The following TFIP11 variants were observed in gnomAD, a reference collection of about 807,000 sequenced individuals.
TFIP11 encodes the protein tuftelin interacting protein 11, also known as tuftelin-interacting protein 11.
A neutral mutation model predicts 96.8 loss-of-function variants in TFIP11; 86 were observed. The observed-to-expected ratio is 0.89, with a 90% confidence interval of 0.75 to 1.06. The LOEUF is 1.06. Ranked by LOEUF, TFIP11 falls within the 50% of genes least tolerant of loss-of-function variation. The pLI is 0.00. For synonymous variants in TFIP11, 405 were observed against 395.2 expected (o/e 1.02, Z -0.29); for missense variants, 881 against 1,076.7 (o/e 0.82, Z 2.54).
At position 26,503,758 on chromosome 22, in the gene TFIP11, C is replaced by A; in HGVS notation, c.556G>T (p.Gly186Ter). 3 of 1,613,870 alleles carry A rather than the reference C, an allele frequency of 1.9e-6. No homozygotes were observed. Among genetic ancestry groups the A allele is most frequent in the Non-Finnish European group, 1.7e-6 (2 of 1,179,992 alleles). ...CCATAAGCCCCCACAGCACCTTTTC[C>A]CTTTCTCTGCTTGGCTTCAATTGGG... The part of the protein sequence containing the change: ...INPIEAKQRK[G>*]KGAVGAYGSE... The change falls in exon 7 of 15, where the codon GGA becomes TGA. Residue 186 changes from glycine to a stop codon, truncating the protein, a stop_gained. Transcript: ENST00000407690. LOFTEE classifies it high-confidence loss of function.
chr22:26,498,541 C>CAAAAAAAAAAA (rs10716815), intron 10 of TFIP11, among the ~76,000 whole-genome samples: 1 of 83,604 alleles, frequency 1.2e-5, no homozygotes, highest in African/African-American at 4.7e-5. Flanking sequence ...GACTCCATCT[C>CAAAAAAAAAAA]AAAAAAAAAA....
intron 6 of TFIP11, 102 bp downstream of exon 6, chr22:26,506,201 T>C: frequency 7.6e-7 from 1 of 1,314,798 alleles, no homozygotes; most frequent in Non-Finnish European, 1.0e-6. Context: ...GCTGGAGAGA[T>C]AAAGTGCTTT....
At position 26,492,289 on chromosome 22, in the gene TFIP11, C is replaced by A; in HGVS notation, c.2238G>T (p.Glu746Asp). 1.2e-6 allele frequency: 2 copies of A among 1,614,224 alleles called. No individual in the cohort carries two copies. The highest frequency in any genetic ancestry group is 1.1e-5 in the South Asian group (1 of 91,084). The change falls in exon 15 of 15, where the codon GAG (glutamate) becomes GAT (aspartate). Residue 746 changes from glutamate to aspartate, a missense_variant. By Grantham distance (45) the Glu-to-Asp change is conservative (BLOSUM62 2). Coordinates refer to ENST00000407690, the MANE Select transcript of TFIP11 (RefSeq NM_012143.4). ...CAGCCTCCCGCCTCTCCTGCATGGC[C>A]TCGTACTGGAAGTCCTTCCTCCGCT... ...HTERRKDFQY[E>D]AMQERREAEN...
chr22:26,495,636 ATGTG>A (rs1921901603), intron 12 of TFIP11, among the ~76,000 whole-genome samples: 1 of 110,326 alleles, frequency 9.1e-6, no homozygotes, highest in Non-Finnish European at 2.0e-5. Flanking sequence ...GTGTATATAC[ATGTG>A]TATATATACA....
At position 26,495,054 on chromosome 22, in the gene TFIP11, C is replaced by T. The variant is rs573731151; in HGVS notation, c.1850-115G>A. On this transcript the variant is annotated intron_variant, in intron 12 of 14. Coordinates refer to ENST00000407690, the MANE Select transcript of TFIP11 (RefSeq NM_012143.4). Reference sequence around the variant, plus strand: ...TCAGCTTACAGCAACCTCCGCCTCCCGGGTTCAAGTGACTCTTGTGCCTCA... The same window carrying T: ...TCAGCTTACAGCAACCTCCGCCTCCTGGGTTCAAGTGACTCTTGTGCCTCA... 3.6e-4 allele frequency: 502 copies of T among 1,403,162 alleles called. 1 individual carries two copies. In the African/African-American group the frequency reaches 4.6e-3, roughly 13 times the overall value. 86.9% of individuals were successfully genotyped at this position (1,403,162 alleles called of 1,614,324 possible). A position where few individuals can be genotyped will look rare whatever the true frequency, so the allele number is the denominator to read the frequency against.
intron 10 of TFIP11, among the ~76,000 whole-genome samples, chr22:26,497,934 G>A (rs555995322): frequency 9.4e-5 from 14 of 148,688 alleles, no homozygotes; most frequent in Non-Finnish European, 1.8e-4. Context: ...CAAATTTACA[G>A]CAGCACAATT....
At chr22:26,505,587 C>T (rs1923298817) in intron 6 of TFIP11, among the ~76,000 whole-genome samples, 1 of 152,150 alleles carries the variant, frequency 6.6e-6, no homozygotes. Context: ...GTCCCAGGAG[C>T]AGTTCTCACT....
In TFIP11 at chr22:26,506,319, G is replaced by C; in HGVS notation, c.504C>G (p.Leu168=). Residue 168 remains leucine (L), a synonymous_variant, in exon 6 of 15, where the codon CTC becomes CTG. Coordinates refer to ENST00000407690, the MANE Select transcript of TFIP11 (RefSeq NM_012143.4). ...GTGCAATACCTTGTGCATTCTTCCC[G>C]AGGCCCCGTCCAGGGACGTAGCCCA... is the stretch of plus-strand genomic sequence containing the variant. ...QKMGYVPGRG[L]GKNAQGIINP... 1 of 1,607,468 alleles carries C rather than the reference G, an allele frequency of 6.2e-7. No homozygotes were observed. Among genetic ancestry groups the C allele is most frequent in the African/African-American group, 1.3e-5 (1 of 74,504 alleles).
At chr22:26,510,514 GTACATATCTCCTTGTCC>G (rs1923924041) in intron 3 of TFIP11, 86 bp downstream of exon 3, 1 of 519,716 alleles carries the variant, frequency 1.9e-6, no homozygotes, top group South Asian at 2.3e-5. Flanking sequence ...TTCTTTAAAA[GTACATATCTCCTTGTCC>G]TAGTCAATAT....
chr22:26,497,746 A>C (rs1922237723), intron 10 of TFIP11, among the ~76,000 whole-genome samples: 1 of 151,852 alleles, frequency 6.6e-6, no homozygotes, highest in Admixed American at 6.6e-5. Flanking sequence ...CATGGTGGCG[A>C]GCGCCTGTAG....
At position 26,492,242 on chromosome 22, in the gene TFIP11, A is replaced by G. The variant is rs1921295775; in HGVS notation, c.2285T>C (p.Ile762Thr). The change falls in exon 15 of 15, where the codon ATT (isoleucine) becomes ACT (threonine). Residue 762 changes from isoleucine (I) to threonine (T), a missense_variant. Ile to Thr is a moderately conservative substitution (Grantham distance 89, BLOSUM62 -1). Transcript: ENST00000407690. The part of the protein sequence containing the change: ...REAENMAQRG[I>T]GVAASSVPMN... ...GGGCACAGAGCTAGCGGCCACGCCA[A>G]TGCCCCTCTGAGCCATGTTCTCAGC... 2.5e-6 allele frequency: 4 copies of G among 1,614,176 alleles called. No homozygotes were observed. The highest frequency in any genetic ancestry group is 3.4e-6 in the Non-Finnish European group (4 of 1,180,016).
intron 2 of TFIP11, chr22:26,511,142 G>C (rs1924004453): frequency 6.6e-6 from 1 of 152,356 alleles, no homozygotes; most frequent in African/African-American, 2.4e-5. Flanking sequence ...CCCACAATAG[G>C]CTGTCTGCAG....
In TFIP11 at chr22:26,502,909, TG is replaced by T. The variant is rs1922966234; in HGVS notation, c.648+756del. Among the ~76,000 whole-genome samples the T allele has an allele frequency of 4.6e-5, 7 of 152,350 alleles. No individual in the cohort carries two copies. The South Asian group carries it at 1.5e-3, about 32-fold the overall frequency. ...TTGCTTCTGTGGTGTGCCTGGCACC[TG>T]TAGGCTTCTGAGAACACCTGACTCA... On this transcript the variant is annotated intron_variant, in intron 7 of 14. Coordinates refer to ENST00000407690, the MANE Select transcript of TFIP11 (RefSeq NM_012143.4).
intron 12 of TFIP11, 45 bp downstream of exon 12, chr22:26,496,016 ACAGAAACCAGGG>A: frequency 6.3e-7 from 1 of 1,587,688 alleles, no homozygotes; most frequent in Non-Finnish European, 8.6e-7. Flanking sequence ...ACTGCTAACC[ACAGAAACCAGGG>A]CACCAAAGCT....
intron 4 of TFIP11, among the ~76,000 whole-genome samples, chr22:26,507,765 T>A (rs936253761): frequency 3.9e-5 from 6 of 152,178 alleles, no homozygotes; most frequent in African/African-American, 1.4e-4. Context: ...ACCTCAGGTC[T>A]TTTTTGTATA....
At chr22:26,508,583 T>C (rs1247989187) in intron 4 of TFIP11, among the ~76,000 whole-genome samples, 2 of 152,100 alleles carry the variant, frequency 1.3e-5, no homozygotes, top group Non-Finnish European at 2.9e-5. Context: ...CAGCTGGGTG[T>C]GGTGGCTCAC....
chr22:26,495,047 C>G (rs561842167), intron 12 of TFIP11, 108 bp from the exon 13 acceptor site: 13 of 1,463,168 alleles, frequency 8.9e-6, no homozygotes, highest in Non-Finnish European at 1.2e-5. Flanking sequence ...CAGCAACCTC[C>G]GCCTCCCGGG....
At chr22:26,495,858 G>A (rs1050510250) in intron 12 of TFIP11, among the ~76,000 whole-genome samples, 1 of 152,002 alleles carries the variant, frequency 6.6e-6, no homozygotes, top group Admixed American at 6.5e-5. Context: ...TGTCACTGTC[G>A]ACTATTAGTG....
Position 26,502,069 on chromosome 22 carries a change from C to G in TFIP11, c.649-17G>C. 1 of 1,613,958 alleles carries G rather than the reference C, an allele frequency of 6.2e-7. No individual in the cohort carries two copies. ...CTGAAACTCCTGAACCAGAAGAATA[C>G]AGTCAGATGCAGCAAGGAACAACCA... is the stretch of plus-strand genomic sequence containing the variant. On this transcript the variant is annotated splice_polypyrimidine_tract_variant and intron_variant, in intron 7 of 14. Coordinates refer to ENST00000407690, the MANE Select transcript of TFIP11 (RefSeq NM_012143.4).
Sources: allele counts gnomAD v4.1 joint callset (sites outside exome capture counted in the v4.1 genomes callset), GRCh38; gene constraint gnomAD v4.1.1; transcripts MANE v1.5; gene names NCBI Gene and HGNC (gene_info 2026-07-23, HGNC 2026-07-21).